NKAIN3: variants seen among roughly 807,000 people sequenced by gnomAD.
The protein encoded by NKAIN3 is sodium/potassium transporting ATPase interacting 3.
A neutral mutation model predicts 30.2 loss-of-function variants in NKAIN3; 25 were observed. That is an observed-to-expected ratio of 0.83 (90% CI 0.60 to 1.16). The LOEUF is 1.16. Among genes scored for constraint, NKAIN3 ranks in the 50% most tolerant of loss-of-function variants. The probability of loss-of-function intolerance (pLI) is 0.00; values close to 1 mark genes in which losing one functional copy is unlikely to be tolerated. For synonymous variants in NKAIN3, 91 were observed against 89.6 expected (o/e 1.02, Z -0.09); for missense variants, 225 against 254.1 (o/e 0.89, Z 0.78).
chr8:62,950,516 T>C (rs896103697), intron 5 of NKAIN3, among the ~76,000 whole-genome samples: 1 of 152,210 alleles, frequency 6.6e-6, no homozygotes, highest in Non-Finnish European at 1.5e-5. Context: ...TCTAGAATCT[T>C]GATAATTTAA....
intron 4 of NKAIN3, among the ~76,000 whole-genome samples, chr8:62,813,981 G>A (rs1818581574): frequency 6.6e-6 from 1 of 152,074 alleles, no homozygotes; most frequent in Admixed American, 6.6e-5. Flanking sequence ...GTCCAGGTCT[G>A]TAAGGTTTCT....
At chr8:62,606,390 C>A (rs1226320392) in intron 3 of NKAIN3, among the ~76,000 whole-genome samples, 1 of 152,090 alleles carries the variant, frequency 6.6e-6, no homozygotes, top group Non-Finnish European at 1.5e-5. Flanking sequence ...AAATGTGCTC[C>A]TCAACTCTAA....
chr8:62,647,532 G>A (rs570337557), intron 3 of NKAIN3, among the ~76,000 whole-genome samples: 1 of 152,266 alleles, frequency 6.6e-6, no homozygotes, highest in Admixed American at 6.5e-5. Context: ...CCTTAACTAG[G>A]AAAGGGGTGG....
intron 3 of NKAIN3, among the ~76,000 whole-genome samples, chr8:62,630,770 C>T (rs1241620421): frequency 2.0e-5 from 3 of 152,156 alleles, no homozygotes; most frequent in Non-Finnish European, 4.4e-5. Flanking sequence ...AAAGCACTCC[C>T]TCTGTCTGAC....
chr8:62,606,370 AT>A lies in NKAIN3; in HGVS notation c.273+16577del, dbSNP rs1811132215. On this transcript the variant is annotated intron_variant, in intron 3 of 6. Coordinates refer to ENST00000623646, the MANE Select transcript of NKAIN3 (RefSeq NM_001304533.3). ...GAGGTTATCTGTAATTTTCCTAAGCATAAATAGACAAATGTGCTCCTCAACT... is the reference window on the plus strand; with the variant it reads ...GAGGTTATCTGTAATTTTCCTAAGCAAAATAGACAAATGTGCTCCTCAACT... 2.0e-5 allele frequency among the ~76,000 whole-genome samples: 3 copies of A among 152,138 alleles called. No homozygotes were observed. The South Asian group carries it at 6.2e-4, about 31-fold the overall frequency.
At position 62,970,457 on chromosome 8, in the gene NKAIN3, C is replaced by T. The variant is rs778330770; in HGVS notation, c.*5050C>T. Among the ~76,000 whole-genome samples, 1 of 151,994 alleles carries T rather than the reference C, an allele frequency of 6.6e-6. No individual in the cohort carries two copies. The highest frequency in any genetic ancestry group is 1.5e-5 in the Non-Finnish European group (1 of 68,000). On this transcript the variant is annotated 3_prime_UTR_variant, in exon 7 of 7. Transcript: ENST00000623646. The stretch of plus-strand genomic sequence containing the variant: ...TAGAAAAATTTGGTGGCAGGCAAAA[C>T]TTGAATCATCTTTCTTGAACTTGCA...
At chr8:62,731,902 C>T (rs913467027) in intron 3 of NKAIN3, among the ~76,000 whole-genome samples, 1 of 152,104 alleles carries the variant, frequency 6.6e-6, no homozygotes, top group Non-Finnish European at 1.5e-5. Flanking sequence ...TCTAGGAAAC[C>T]CTACATAAGA....
intron 1 of NKAIN3, among the ~76,000 whole-genome samples, chr8:62,309,494 G>A (rs956905780): frequency 6.6e-6 from 1 of 150,456 alleles, no homozygotes; most frequent in African/African-American, 2.5e-5. Flanking sequence ...ACCTTGGTCA[G>A]GGCATGCATC....
At chr8:62,855,450 G>A (rs2130780634) in intron 4 of NKAIN3, 2 of 1,204,956 alleles carry the variant, frequency 1.7e-6, no homozygotes, top group Non-Finnish European at 2.5e-6. Flanking sequence ...TTCATCTTGG[G>A]TCTTTTGCTT....
At chr8:62,831,623 A>T (rs928360467) in intron 4 of NKAIN3, among the ~76,000 whole-genome samples, 15 of 152,206 alleles carry the variant, frequency 9.9e-5, no homozygotes, top group Non-Finnish European at 4.4e-5. Flanking sequence ...AGCAGAAGAA[A>T]GAATTTCAGA....
chr8:62,662,872 A>G (rs561951583), intron 3 of NKAIN3, among the ~76,000 whole-genome samples: 1 of 152,232 alleles, frequency 6.6e-6, no homozygotes, highest in African/African-American at 2.4e-5. Context: ...ATGACACAAG[A>G]CATAAATAAG....
intron 3 of NKAIN3, among the ~76,000 whole-genome samples, chr8:62,719,559 T>C (rs963786133): frequency 6.6e-6 from 1 of 152,124 alleles, no homozygotes; most frequent in African/African-American, 2.4e-5. Context: ...CTATAAATCA[T>C]TGTCCTGTAA....
chr8:62,887,025 A>C (rs868487292), intron 4 of NKAIN3, among the ~76,000 whole-genome samples: 1 of 152,172 alleles, frequency 6.6e-6, no homozygotes, highest in African/African-American at 2.4e-5. Flanking sequence ...ATAGTATTCC[A>C]TGGTGTCTAT....
At chr8:62,834,547 G>A (rs905640447) in intron 4 of NKAIN3, among the ~76,000 whole-genome samples, 2 of 151,656 alleles carry the variant, frequency 1.3e-5, no homozygotes, top group African/African-American at 4.8e-5. Context: ...CAAACTGAGA[G>A]CCAAAACAAA....
At chr8:62,909,264 T>TGGA (rs1186347185) in intron 4 of NKAIN3, among the ~76,000 whole-genome samples, 5 of 152,052 alleles carry the variant, frequency 3.3e-5, no homozygotes. Context: ...TAACAAAAAG[T>TGGA]GGAGTTAGAA....
intron 4 of NKAIN3, among the ~76,000 whole-genome samples, chr8:62,770,783 A>AT: frequency 6.6e-6 from 1 of 151,778 alleles, no homozygotes; most frequent in Non-Finnish European, 1.5e-5. Flanking sequence ...TAAAAGCAGA[A>AT]TTAAAAAAAA....
At chr8:62,522,429 C>CCCTATT (rs1808186634) in intron 1 of NKAIN3, among the ~76,000 whole-genome samples, 1 of 152,002 alleles carries the variant, frequency 6.6e-6, no homozygotes, top group Non-Finnish European at 1.5e-5. Context: ...CTATACTATA[C>CCCTATT]TTTTTATCCC....
At chr8:62,949,091 C>T (rs1304761673) in intron 5 of NKAIN3, among the ~76,000 whole-genome samples, 2 of 152,226 alleles carry the variant, frequency 1.3e-5, no homozygotes, top group African/African-American at 4.8e-5. Flanking sequence ...TGGAGGGCTA[C>T]ATCTTCAACT....
At chr8:62,561,681 G>C (rs772914734) in intron 1 of NKAIN3, among the ~76,000 whole-genome samples, 5 of 152,064 alleles carry the variant, frequency 3.3e-5, no homozygotes, top group Non-Finnish European at 5.9e-5. Context: ...TCACTTCATA[G>C]AGTTTCTAAA....
Sources: allele counts gnomAD v4.1 joint callset (sites outside exome capture counted in the v4.1 genomes callset), GRCh38; gene constraint gnomAD v4.1.1; transcripts MANE v1.5; gene names NCBI Gene and HGNC (gene_info 2026-07-23, HGNC 2026-07-21).